IPP: variants seen among roughly 807,000 people sequenced by gnomAD.
IPP encodes the protein actin-binding protein IPP.
Under a neutral mutation model 64.1 loss-of-function variants are expected in IPP, and 41 were observed. The observed-to-expected ratio is 0.64, with a 90% CI of 0.50 to 0.83. IPP has a LOEUF of 0.83. Among genes scored for constraint, IPP ranks in the 40% least tolerant of loss-of-function variants. The pLI is 0.00. For missense variants in IPP, 649 were observed against 703.0 expected, an observed-to-expected ratio of 0.92 and a Z score of 0.87; for synonymous variants, 214 against 235.2, an observed-to-expected ratio of 0.91 and a Z score of 0.83.
intron 3 of IPP, among the ~76,000 whole-genome samples, chr1:45,732,229 TGGG>T (rs1645917596): frequency 6.6e-6 from 1 of 151,060 alleles, no homozygotes; most frequent in African/African-American, 2.4e-5. Context: ...GGCGTTGTGG[TGGG>T]CACATGTAAT....
At chr1:45,703,212 C>A (rs553267206) in intron 8 of IPP, among the ~76,000 whole-genome samples, 48 of 151,104 alleles carry the variant, frequency 3.2e-4, no homozygotes, top group Non-Finnish European at 5.3e-4. Context: ...CCTCAGCCTC[C>A]TGAGGAGCTG....
At chr1:45,710,084 G>C (rs1164245819) in intron 8 of IPP, among the ~76,000 whole-genome samples, 7 of 81,068 alleles carry the variant, frequency 8.6e-5, no homozygotes, top group African/African-American at 3.1e-4. Flanking sequence ...AATTAGCTGG[G>C]CATGGTGGCA....
At chr1:45,708,892 G>A (rs918373486) in intron 8 of IPP, among the ~76,000 whole-genome samples, 3 of 150,786 alleles carry the variant, frequency 2.0e-5, no homozygotes, top group African/African-American at 7.3e-5. Flanking sequence ...AAATTAGCTG[G>A]GCGTGGTGGT....
downstream of IPP, among the ~76,000 whole-genome samples, chr1:45,698,292 C>A (rs570506883): frequency 1.6e-4 from 24 of 152,162 alleles, no homozygotes; most frequent in African/African-American, 5.8e-4. Flanking sequence ...AATTCCATCT[C>A]AAAAAAAAAT....
chr1:45,726,996 G>C (rs762261580), intron 5 of IPP, among the ~76,000 whole-genome samples: 1 of 151,966 alleles, frequency 6.6e-6, no homozygotes, highest in Middle Eastern at 3.2e-3. Context: ...AAAGTGCTAG[G>C]AGGGATTACA....
At chr1:45,725,662 G>GA (rs1645813908) in intron 5 of IPP, among the ~76,000 whole-genome samples, 2 of 139,056 alleles carry the variant, frequency 1.4e-5, no homozygotes, top group African/African-American at 2.6e-5. Context: ...GAAGGGTGGG[G>GA]AAAAAATTGA....
chr1:45,705,457 C>T (rs1645502311), intron 8 of IPP, among the ~76,000 whole-genome samples: 1 of 152,184 alleles, frequency 6.6e-6, no homozygotes, highest in Non-Finnish European at 1.5e-5. Context: ...TGTTACCAAA[C>T]TTGCCCTCTG....
intron 3 of IPP, among the ~76,000 whole-genome samples, chr1:45,733,724 C>T (rs769784468): frequency 2.6e-5 from 4 of 151,164 alleles, no homozygotes; most frequent in Non-Finnish European, 5.9e-5. Flanking sequence ...CCCAGCTACT[C>T]GGGAGGCTGA....
intron 8 of IPP, among the ~76,000 whole-genome samples, chr1:45,701,138 C>CA (rs1645444831): frequency 6.6e-6 from 1 of 152,180 alleles, no homozygotes; most frequent in Non-Finnish European, 1.5e-5. Flanking sequence ...AAGCATATAT[C>CA]AAAAAAGGAT....
In IPP at chr1:45,719,233, ACACT is replaced by A; in HGVS notation, c.1152_1155del (p.Cys388MetfsTer15). The stretch of plus-strand genomic sequence containing the variant: ...GCATAGATAGCCCCATAACACACAC[ACACT>A]CCTAAGCCGCAGCGGGGATGATTCA... On this transcript the variant is annotated frameshift_variant, in exon 6 of 9. Coordinates refer to ENST00000396478, the MANE Select transcript of IPP (RefSeq NM_005897.3). LOFTEE classifies it high-confidence loss of function. The A allele has an allele frequency of 1.2e-6, 2 of 1,614,062 alleles. No homozygotes were observed. The highest frequency in any genetic ancestry group is 1.7e-6 in the Non-Finnish European group (2 of 1,179,972).
chr1:45,701,373 T>TA (rs1403411865), intron 8 of IPP, among the ~76,000 whole-genome samples: 2 of 152,144 alleles, frequency 1.3e-5, no homozygotes, highest in Non-Finnish European at 2.9e-5. Flanking sequence ...CTGCAACCTC[T>TA]GTCTCCCAGG....
At chr1:45,709,057 G>GA (rs1000011065) in intron 8 of IPP, among the ~76,000 whole-genome samples, 30 of 126,844 alleles carry the variant, frequency 2.4e-4, no homozygotes, top group African/African-American at 8.4e-4. Context: ...AAAAAAAGGA[G>GA]AAAAAAAAGA....
At position 45,699,474 on chromosome 1, in the gene IPP, G is replaced by A. The variant is rs1419207178; in HGVS notation, c.*492C>T. ...AAGTAGCTAAAGGGACTATTTGCCAGGAAGCTTCTAGTAAATAATTTCTAC... is the reference window on the plus strand; with the variant it reads ...AAGTAGCTAAAGGGACTATTTGCCAAGAAGCTTCTAGTAAATAATTTCTAC... On this transcript the variant is annotated 3_prime_UTR_variant, in exon 9 of 9. Transcript: ENST00000396478. The A allele has an allele frequency of 2.0e-6, 2 of 988,324 alleles. No individual in the cohort carries two copies. Among genetic ancestry groups the A allele is most frequent in the Non-Finnish European group, 2.4e-6 (2 of 831,654 alleles). The allele number at this position is 988,324 out of a possible 1,614,324, so 61.2% of individuals were successfully genotyped here.
rs1645462660 is a variant in IPP, at chr1:45,702,094, T to A, written c.1531-1904A>T. ...CTGGTTAAGATAAATTAGGATAATTTAGGTTATGTTTGTAATTAGGGAGAA... is the reference window on the plus strand; with the variant it reads ...CTGGTTAAGATAAATTAGGATAATTAAGGTTATGTTTGTAATTAGGGAGAA... On this transcript the variant is annotated intron_variant, in intron 8 of 8. Coordinates refer to ENST00000396478, the MANE Select transcript of IPP (RefSeq NM_005897.3). Among the ~76,000 whole-genome samples the A allele has an allele frequency of 6.6e-5, 10 of 152,348 alleles. 1 individual carries two copies. The South Asian group carries it at 2.1e-3, about 32-fold the overall frequency.
At chr1:45,731,183 G>A (rs899680828) in intron 3 of IPP, among the ~76,000 whole-genome samples, 3 of 152,250 alleles carry the variant, frequency 2.0e-5, no homozygotes, top group African/African-American at 7.2e-5. Context: ...CCTCATGCCT[G>A]TAATCCCAGC....
At chr1:45,712,878 A>AAAAAAAATATATATATAT (rs1553189324) in intron 8 of IPP, among the ~76,000 whole-genome samples, 2 of 138,656 alleles carry the variant, frequency 1.4e-5, no homozygotes, top group East Asian at 4.1e-4. Flanking sequence ...AAAAAAAAAA[A>AAAAAAAATATATATATAT]ATATATATAT....
At position 45,714,446 on chromosome 1, in the gene IPP, C is replaced by A. The variant is rs766926059; in HGVS notation, c.1330G>T (p.Gly444Cys). 1 of 1,611,564 alleles carries A rather than the reference C, an allele frequency of 6.2e-7. No individual in the cohort carries two copies. The highest frequency in any genetic ancestry group is 1.1e-5 in the South Asian group (1 of 91,028). Residue 444 changes from glycine to cysteine, a missense_variant, in exon 8 of 9, where the codon GGC becomes TGC. Transcript: ENST00000396478. ...EMQGLIYVIG[G>C]ISNEGIELRS... ...AGTTCTATTCCTTCATTGCTGATGC[C>A]CCCAATTACATAAATTAAACCTGGA...
intron 5 of IPP, among the ~76,000 whole-genome samples, chr1:45,725,086 G>A (rs1645796971): frequency 2.1e-5 from 3 of 144,878 alleles, no homozygotes; most frequent in African/African-American, 5.1e-5. Flanking sequence ...CCCCCCGCCC[G>A]GCCAGCCGCC....
intron 8 of IPP, among the ~76,000 whole-genome samples, chr1:45,713,148 G>C (rs1251493556): frequency 6.6e-6 from 1 of 152,246 alleles, no homozygotes; most frequent in South Asian, 2.1e-4. Context: ...GATTTGGGGA[G>C]CGCAGTGGCT....
Sources: gnomAD v4.1 joint callset for allele counts (sites outside exome capture counted in the v4.1 genomes callset) on GRCh38, gnomAD v4.1.1 for gene constraint, MANE v1.5 for transcripts, NCBI Gene and HGNC (gene_info 2026-07-23, HGNC 2026-07-21) for gene names.